ITGB2: variants seen among roughly 807,000 people sequenced by gnomAD.
ITGB2 encodes the protein integrin beta-2.
ITGB2 carries 56 observed loss-of-function variants against 86.8 expected under a neutral mutation model. That is an observed-to-expected ratio of 0.65 (90% CI 0.52 to 0.81). The LOEUF is 0.81. ITGB2 is among the 30% of genes least tolerant of loss of function. ITGB2 has a pLI of 0.00. For synonymous variants in ITGB2, 457 were observed against 450.4 expected (o/e 1.01, Z -0.19); for missense variants, 948 against 1,061.2 (o/e 0.89, Z 1.48).
intron 4 of ITGB2, among the ~76,000 whole-genome samples, chr21:44,904,867 C>A (rs1244202523): frequency 6.6e-6 from 1 of 152,198 alleles, no homozygotes; most frequent in East Asian, 1.9e-4. Context: ...CGCTCACACA[C>A]ACACACACTC....
At chr21:44,891,738 C>T in intron 11 of ITGB2, 71 bp downstream of exon 11, 1 of 1,557,060 alleles carries the variant, frequency 6.4e-7, no homozygotes, top group Admixed American at 1.7e-5. Context: ...CTGCACCCAC[C>T]TCACCTGCCG....
At chr21:44,911,859 C>T (rs1601324879) in intron 1 of ITGB2, among the ~76,000 whole-genome samples, 2 of 152,270 alleles carry the variant, frequency 1.3e-5, no homozygotes, top group Middle Eastern at 3.4e-3. Context: ...TCCCTCCATC[C>T]GGGAGGTGCC....
intron 3 of ITGB2, among the ~76,000 whole-genome samples, chr21:44,909,681 TG>T (rs1281361383): frequency 6.6e-6 from 1 of 152,196 alleles, no homozygotes; most frequent in Non-Finnish European, 1.5e-5. Context: ...AAGACATCAT[TG>T]GGACAACCAA....
chr21:44,890,339 G>A, intron 11 of ITGB2, 117 bp from the exon 12 acceptor site: 2 of 1,377,734 alleles, frequency 1.5e-6, no homozygotes, highest in Non-Finnish European at 2.0e-6. Context: ...GGCACATTTT[G>A]CTTTCCTCGA....
chr21:44,886,736 A>C lies in ITGB2; in HGVS notation c.2247T>G (p.Asn749Lys). Residue 749 changes from asparagine to lysine, a missense_variant and splice_region_variant, in exon 15 of 16, where the codon AAT becomes AAG. By Grantham distance (94) the Asn-to-Lys change is moderately conservative (BLOSUM62 0). Transcript: ENST00000652462. Reference protein sequence around the residue: ...EKEKLKSQWNNDNPLFKSATT... With the variant: ...EKEKLKSQWNKDNPLFKSATT... ...GGGACCCCCAAGGACGGCCACTTAC[A>C]TTGTTCCACTGGGACTTGAGCTTCT... is the stretch of plus-strand genomic sequence containing the variant. The C allele has an allele frequency of 6.2e-7, 1 of 1,613,906 alleles. No homozygotes were observed. Among genetic ancestry groups the C allele is most frequent in the Non-Finnish European group, 8.5e-7 (1 of 1,179,994 alleles).
Position 44,889,364 on chromosome 21 carries a change from G to C in ITGB2, c.1789C>G (p.Arg597Gly), listed in dbSNP as rs756949097. The C allele has an allele frequency of 1.2e-6, 2 of 1,612,866 alleles. No individual in the cohort carries two copies. The highest frequency in any genetic ancestry group is 1.7e-6 in the Non-Finnish European group (2 of 1,179,882). ...GAATGGCACTCGCATACGTTGCAGC[G>C]GCACCGGCCACGACCACTACACTCA... ...RVECSGRGRCRCNVCECHSGY... is the reference protein window; with the variant it reads ...RVECSGRGRCGCNVCECHSGY... Residue 597 changes from arginine to glycine, a missense_variant, in exon 13 of 16, where the codon CGC becomes GGC. Transcript: ENST00000652462.
intron 11 of ITGB2, among the ~76,000 whole-genome samples, chr21:44,890,473 G>C (rs564202638): frequency 1.1e-4 from 17 of 152,062 alleles, no homozygotes; most frequent in Non-Finnish European, 2.4e-4. Flanking sequence ...GCAGTGGCTC[G>C]GCAGGCTCAC....
Position 44,894,869 on chromosome 21 carries a change from C to G in ITGB2, c.1083+102G>C, listed in dbSNP as rs568717765. 4 of 877,424 alleles carry G rather than the reference C, an allele frequency of 4.6e-6. No homozygotes were observed. The Admixed American group carries it at 5.5e-5, about 12-fold the overall frequency. The allele number at this position is 877,424 out of a possible 1,614,324, so 54.4% of individuals were successfully genotyped here. A position where few individuals can be genotyped will look rare whatever the true frequency, so the allele number is the denominator to read the frequency against. ...GCTGGCCCACGGGGCAGGGGCTTTC[C>G]TCCCAGACCACCCTCCTGCTGACCT... On this transcript the variant is annotated intron_variant, in intron 9 of 15. Transcript: ENST00000652462.
At chr21:44,887,191 C>G (rs148990544) in intron 14 of ITGB2, among the ~76,000 whole-genome samples, 16 of 152,300 alleles carry the variant, frequency 1.1e-4, no homozygotes, top group Non-Finnish European at 2.1e-4. Flanking sequence ...GGACAGAGTG[C>G]TAATACTGGG....
intron 4 of ITGB2, among the ~76,000 whole-genome samples, chr21:44,905,380 A>G (rs1278660996): frequency 6.6e-6 from 1 of 152,050 alleles, no homozygotes; most frequent in African/African-American, 2.4e-5. Flanking sequence ...CCCCCTGCAC[A>G]GTGGGGATGC....
Position 44,901,684 on chromosome 21 carries a change from G to T in ITGB2, c.549C>A (p.His183Gln). ...DKTVLPFVNT[H>Q]PDKLRNPCPN... is the part of the protein sequence containing the mutation. Reference sequence around the variant, plus strand: ...GGCATGGGTTTCGCAGCTTATCAGGGTGCGTGTTCACGAACGGCAGCACGG... The same window carrying T: ...GGCATGGGTTTCGCAGCTTATCAGGTTGCGTGTTCACGAACGGCAGCACGG... The change falls in exon 6 of 16, where the codon CAC becomes CAA. Residue 183 changes from histidine (H) to glutamine (Q), a missense_variant. Physicochemically the swap from His to Gln is conservative, Grantham distance 24. Coordinates refer to ENST00000652462, the MANE Select transcript of ITGB2 (RefSeq NM_000211.5). 1 of 1,613,692 alleles carries T rather than the reference G, an allele frequency of 6.2e-7. No individual in the cohort carries two copies. The highest frequency in any genetic ancestry group is 8.5e-7 in the Non-Finnish European group (1 of 1,179,542).
At chr21:44,914,866 G>C (rs2084181202) in intron 1 of ITGB2, among the ~76,000 whole-genome samples, 1 of 152,070 alleles carries the variant, frequency 6.6e-6, no homozygotes, top group South Asian at 2.1e-4. Flanking sequence ...CCAGGAGGGA[G>C]AGACTGCAGT....
At chr21:44,888,962 C>A in intron 13 of ITGB2, 67 bp from the exon 14 acceptor site, 3 of 1,453,554 alleles carry the variant, frequency 2.1e-6, no homozygotes, top group Non-Finnish European at 2.8e-6. Flanking sequence ...GGGGCTCGGG[C>A]TTGGGTGTGT....
intron 3 of ITGB2, among the ~76,000 whole-genome samples, chr21:44,908,352 GC>G (rs1269130821): frequency 6.7e-6 from 1 of 149,696 alleles, no homozygotes; most frequent in Non-Finnish European, 1.5e-5. Context: ...AAGATAAATA[GC>G]CAGATGACCT....
chr21:44,899,843 G>T (rs1035801589), intron 7 of ITGB2, among the ~76,000 whole-genome samples: 2 of 152,188 alleles, frequency 1.3e-5, no homozygotes, highest in Admixed American at 1.3e-4. Context: ...CCCCGCAGCC[G>T]CTCACCCAGC....
At chr21:44,918,648 G>A in intron 1 of ITGB2, among the ~76,000 whole-genome samples, 1 of 152,190 alleles carries the variant, frequency 6.6e-6, no homozygotes, top group Non-Finnish European at 1.5e-5. Context: ...TTCCTTCATG[G>A]GCACCTCGCT....
At chr21:44,892,079 T>C (rs1243463055) in intron 10 of ITGB2, 83 bp from the exon 11 acceptor site, 2 of 1,392,386 alleles carry the variant, frequency 1.4e-6, no homozygotes, top group African/African-American at 2.8e-5. Context: ...TCCTGGCCTC[T>C]GCAGGGGTCC....
Position 44,893,410 on chromosome 21 carries a change from A to C in ITGB2, c.1218T>G (p.Asn406Lys), listed in dbSNP as rs761370519. 6 of 1,613,936 alleles carry C rather than the reference A, an allele frequency of 3.7e-6. No individual in the cohort carries two copies. Among genetic ancestry groups the C allele is most frequent in the Non-Finnish European group, 5.1e-6 (6 of 1,179,938 alleles). ...CCCTTGTGGCCAGGCTCACCGGGACATTGATCTGCACGCCATCACAGTCAC... is the reference window on the plus strand; with the variant it reads ...CCCTTGTGGCCAGGCTCACCGGGACCTTGATCTGCACGCCATCACAGTCAC... ...PRGDCDGVQI[N>K]VPITFQVKVT... Residue 406 changes from asparagine (N) to lysine (K), a missense_variant, in exon 10 of 16, where the codon AAT becomes AAG. Physicochemically the swap from Asn to Lys is moderately conservative, Grantham distance 94. Transcript: ENST00000652462.
At chr21:44,920,228 C>T (rs946232979) in intron 1 of ITGB2, among the ~76,000 whole-genome samples, 6 of 152,036 alleles carry the variant, frequency 3.9e-5, no homozygotes, top group African/African-American at 1.5e-4. Flanking sequence ...CACACTCGCA[C>T]ACCATACATG....
Sources: gnomAD v4.1 joint callset for allele counts (sites outside exome capture counted in the v4.1 genomes callset) on GRCh38, gnomAD v4.1.1 for gene constraint, MANE v1.5 for transcripts, NCBI Gene and HGNC (gene_info 2026-07-23, HGNC 2026-07-21) for gene names.